The following TRPM3 variants were observed in gnomAD, a reference collection of about 807,000 sequenced individuals.
The protein encoded by TRPM3 is transient receptor potential cation channel subfamily M member 3.
In TRPM3, 77 loss-of-function variants were observed where a neutral mutation model predicts 181.2. The observed-to-expected ratio is 0.42, with a 90% CI of 0.35 to 0.51. The LOEUF is 0.51. TRPM3 is among the 20% of genes least tolerant of loss of function. The pLI, the probability that TRPM3 is intolerant of heterozygous loss-of-function variation, is 0.01. For missense variants in TRPM3, 1,759 were observed against 2,196.7 expected, an observed-to-expected ratio of 0.80 and a Z score of 3.98; for synonymous variants, 745 against 796.4, an observed-to-expected ratio of 0.94 and a Z score of 1.09.
intron 1 of TRPM3, among the ~76,000 whole-genome samples, chr9:71,270,264 C>G (rs1006307805): frequency 6.6e-6 from 1 of 152,130 alleles, no homozygotes; most frequent in African/African-American, 2.4e-5. Flanking sequence ...GCAGAAGAAT[C>G]GCTTGAACCT....
At chr9:70,651,689 A>G (rs929059348) in intron 9 of TRPM3, among the ~76,000 whole-genome samples, 22 of 152,178 alleles carry the variant, frequency 1.4e-4, no homozygotes, top group Non-Finnish European at 5.9e-5. Context: ...TTCCTCCTGC[A>G]TAGCTCCTGC....
At chr9:71,097,163 A>G (rs1336579966) in intron 1 of TRPM3, among the ~76,000 whole-genome samples, 1 of 152,078 alleles carries the variant, frequency 6.6e-6, no homozygotes, top group East Asian at 1.9e-4. Flanking sequence ...AAAATGCTCT[A>G]TGCTTATTAA....
At chr9:71,188,461 C>T (rs1164427670) in intron 1 of TRPM3, among the ~76,000 whole-genome samples, 1 of 151,822 alleles carries the variant, frequency 6.6e-6, no homozygotes, top group Non-Finnish European at 1.5e-5. Context: ...TTATATTTCC[C>T]CTTCTTGTTT....
chr9:71,143,760 G>C (rs1041259768), intron 1 of TRPM3, among the ~76,000 whole-genome samples: 2 of 152,114 alleles, frequency 1.3e-5, no homozygotes, highest in African/African-American at 4.8e-5. Flanking sequence ...TTGAGGAATT[G>C]CCACACTGTC....
chr9:70,938,718 C>T (rs768658180), intron 1 of TRPM3, among the ~76,000 whole-genome samples: 1 of 152,032 alleles, frequency 6.6e-6, no homozygotes, highest in African/African-American at 2.4e-5. Flanking sequence ...TTTGGGAGGC[C>T]GAGGTGGGTG....
intron 1 of TRPM3, among the ~76,000 whole-genome samples, chr9:71,237,770 G>A (rs1588088353): frequency 6.6e-6 from 1 of 152,168 alleles, no homozygotes; most frequent in East Asian, 1.9e-4. Flanking sequence ...TCATAGTTCT[G>A]GAGGCTGAGA....
intron 6 of TRPM3, chr9:70,826,689 A>G (rs1260303416): frequency 6.6e-6 from 1 of 152,256 alleles, no homozygotes; most frequent in African/African-American, 2.4e-5. Flanking sequence ...GGGAAAAGTC[A>G]TTTGGAAAAG....
At chr9:70,653,615 C>T (rs1430633387) in intron 9 of TRPM3, among the ~76,000 whole-genome samples, 1 of 84,072 alleles carries the variant, frequency 1.2e-5, no homozygotes, top group Non-Finnish European at 2.4e-5. Flanking sequence ...AAGAGGAAAA[C>T]AAAACAATAC....
intron 1 of TRPM3, among the ~76,000 whole-genome samples, chr9:71,425,172 C>T (rs1185947505): frequency 6.6e-6 from 1 of 151,996 alleles, no homozygotes; most frequent in African/African-American, 2.4e-5. Flanking sequence ...TTTCCTAGAC[C>T]CCCTTATTTT....
chr9:71,004,406 C>T (rs1360036754), intron 1 of TRPM3, among the ~76,000 whole-genome samples: 1 of 152,260 alleles, frequency 6.6e-6, no homozygotes, highest in Non-Finnish European at 1.5e-5. Context: ...TTCCAATGCT[C>T]ACTGTAAGTC....
chr9:70,744,725 A>T (rs1160692747), intron 8 of TRPM3, among the ~76,000 whole-genome samples: 1 of 152,240 alleles, frequency 6.6e-6, no homozygotes, highest in African/African-American at 2.4e-5. Context: ...ATACCAGCCA[A>T]CAAAATGGTC....
intron 1 of TRPM3, among the ~76,000 whole-genome samples, chr9:70,960,120 G>A (rs1261964442): frequency 1.3e-5 from 2 of 149,242 alleles, no homozygotes; most frequent in Non-Finnish European, 3.0e-5. Flanking sequence ...TTCAACTCTC[G>A]TTCTTTTTTT....
intron 15 of TRPM3, among the ~76,000 whole-genome samples, chr9:70,620,966 G>A (rs927756058): frequency 2.0e-5 from 3 of 148,524 alleles, no homozygotes; most frequent in Non-Finnish European, 4.5e-5. Context: ...ATAACCTCAT[G>A]GTGGAATTTT....
intron 1 of TRPM3, among the ~76,000 whole-genome samples, chr9:71,197,259 C>G (rs1467208572): frequency 2.0e-5 from 3 of 152,136 alleles, no homozygotes; most frequent in Admixed American, 1.3e-4. Flanking sequence ...TTTTCTTAAT[C>G]CAGTCTATCA....
At chr9:71,029,088 A>G (rs1169207271) in intron 1 of TRPM3, among the ~76,000 whole-genome samples, 6 of 152,124 alleles carry the variant, frequency 3.9e-5, no homozygotes, top group Admixed American at 2.6e-4. Context: ...CTCAGACCAC[A>G]GAACAAAAAA....
chr9:71,303,422 T>TGAAC (rs1356021194), intron 1 of TRPM3, among the ~76,000 whole-genome samples: 1 of 152,216 alleles, frequency 6.6e-6, no homozygotes, highest in Non-Finnish European at 1.5e-5. Flanking sequence ...TGTTGACTTT[T>TGAAC]GAACACTGGT....
In TRPM3 at chr9:71,226,009, T is replaced by TAAAAAAA; in HGVS notation, c.183+220637_183+220643dup. 6.9e-4 allele frequency among the ~76,000 whole-genome samples: 24 copies of TAAAAAAA among 34,704 alleles called. 2 individuals are homozygous for TAAAAAAA. The East Asian group carries it at 0.016, about 23-fold the overall frequency. 22.8% of individuals were successfully genotyped at this position (34,704 alleles called of 152,430 possible). A position where few individuals can be genotyped will look rare whatever the true frequency, so the allele number is the denominator to read the frequency against. On this transcript the variant is annotated intron_variant, in intron 1 of 24. Coordinates refer to the TRPM3 transcript ENST00000357533. ...AGATATGAATAGAAACAACAAAAGG[T>TAAAAAAA]AAAAAAAAAAAAAAAAAAAAAAAAA...
chr9:70,784,412 G>A (rs2083139265), intron 6 of TRPM3, 133 bp from the exon 7 acceptor site: 3 of 1,021,514 alleles, frequency 2.9e-6, no homozygotes, highest in Non-Finnish European at 4.1e-6. Flanking sequence ...ACATATGAAG[G>A]GATATGGTAC....
chr9:70,812,485 G>T (rs1363599750), intron 6 of TRPM3, among the ~76,000 whole-genome samples: 2 of 152,152 alleles, frequency 1.3e-5, no homozygotes, highest in Non-Finnish European at 2.9e-5. Flanking sequence ...TTGTAAAATG[G>T]CCAACCAAGA....
Sources: allele counts gnomAD v4.1 joint callset (sites outside exome capture counted in the v4.1 genomes callset), GRCh38; gene constraint gnomAD v4.1.1; transcripts MANE v1.5; gene names NCBI Gene and HGNC (gene_info 2026-07-23, HGNC 2026-07-21).